Variants in PELI2 observed in about 807,000 individuals in gnomAD.
PELI2 encodes the protein pellino E3 ubiquitin protein ligase family member 2, also known as E3 ubiquitin-protein ligase pellino homolog 2.
A neutral mutation model predicts 42.3 loss-of-function variants in PELI2; 23 were observed. The observed-to-expected ratio is 0.54, with a 90% CI of 0.39 to 0.77. The LOEUF (loss-of-function observed/expected upper bound fraction) is 0.77. Ranked by LOEUF, PELI2 falls within the 30% of genes least tolerant of loss-of-function variation. PELI2 has a pLI of 0.00. For synonymous variants in PELI2, 245 were observed against 212.2 expected (o/e 1.15, Z -1.34); for missense variants, 463 against 553.2 (o/e 0.84, Z 1.64).
At chr14:56,213,031 C>A (rs1296261465) in intron 2 of PELI2, among the ~76,000 whole-genome samples, 3 of 152,192 alleles carry the variant, frequency 2.0e-5, no homozygotes, top group African/African-American at 7.2e-5. Flanking sequence ...ATGGCAGGGG[C>A]CCTTTCCTAG....
chr14:56,238,242 T>C (rs570467562), intron 2 of PELI2, among the ~76,000 whole-genome samples: 3 of 152,236 alleles, frequency 2.0e-5, no homozygotes, highest in Non-Finnish European at 2.9e-5. Context: ...TGCAGTTCTA[T>C]TGACTTTTAA....
chr14:56,155,612 C>T (rs2343378), intron 1 of PELI2, among the ~76,000 whole-genome samples: 59,562 of 147,808 alleles, frequency 0.4, 12,742 homozygotes, highest in South Asian at 0.53. Context: ...GACGGAGTCT[C>T]GCTCTGTCAC....
chr14:56,162,010 G>C (rs1346105775), intron 1 of PELI2, among the ~76,000 whole-genome samples: 1 of 152,106 alleles, frequency 6.6e-6, no homozygotes, highest in African/African-American at 2.4e-5. Context: ...TGCACAGTAG[G>C]TGTATATATT....
At chr14:56,125,925 A>T (rs1883242087) in intron 1 of PELI2, among the ~76,000 whole-genome samples, 1 of 152,032 alleles carries the variant, frequency 6.6e-6, no homozygotes, top group Non-Finnish European at 1.5e-5. Flanking sequence ...CCACATGGAG[A>T]TGTGGCCAGG....
intron 2 of PELI2, among the ~76,000 whole-genome samples, chr14:56,254,471 A>G (rs1888456231): frequency 6.6e-6 from 1 of 152,090 alleles, no homozygotes; most frequent in Admixed American, 6.6e-5. Flanking sequence ...CCTTCCTTAA[A>G]CCTTATACAA....
chr14:56,169,476 T>C (rs545013567), intron 1 of PELI2, among the ~76,000 whole-genome samples: 8 of 152,294 alleles, frequency 5.3e-5, no homozygotes, highest in African/African-American at 1.9e-4. Context: ...AGAACAGCAC[T>C]TAGTTCAATG....
rs537870320 is a variant in PELI2 at position 56,153,852 on chromosome 14, T to C, written c.78-24483T>C. Among the ~76,000 whole-genome samples the C allele has an allele frequency of 6.6e-5, 10 of 152,308 alleles. No homozygotes were observed. The South Asian group carries it at 1.7e-3, about 25-fold the overall frequency. ...AGTGGTGTTTGTGAATGTAGGTATT[T>C]AACAATTTGGGTGCATGGTAGCCTT... is the stretch of plus-strand genomic sequence containing the variant. On this transcript the variant is annotated intron_variant, in intron 1 of 5. Transcript: ENST00000267460.
intron 2 of PELI2, among the ~76,000 whole-genome samples, chr14:56,233,449 C>T (rs1887661505): frequency 6.6e-6 from 1 of 152,102 alleles, no homozygotes; most frequent in Non-Finnish European, 1.5e-5. Flanking sequence ...GAAGTAATAC[C>T]ACACATCTAC....
At chr14:56,156,866 G>A (rs1465886617) in intron 1 of PELI2, among the ~76,000 whole-genome samples, 3 of 152,160 alleles carry the variant, frequency 2.0e-5, no homozygotes, top group African/African-American at 7.2e-5. Context: ...GCCTCTCTGT[G>A]TAAGGCTGCA....
intron 2 of PELI2, among the ~76,000 whole-genome samples, chr14:56,249,537 C>T (rs1158128043): frequency 6.6e-6 from 1 of 152,158 alleles, no homozygotes. Context: ...ATTTCTGGGA[C>T]TATTAGGTGC....
Position 56,129,425 on chromosome 14 carries a change from TG to T in PELI2, c.77+10689del, listed in dbSNP as rs1318132542. ...CACTCAGTGGTTTGATTTTGAAACT[TG>T]TGCTGGAACCAGTGAATGTTTTGGG... On this transcript the variant is annotated intron_variant, in intron 1 of 5. Transcript: ENST00000267460. Among the ~76,000 whole-genome samples, 3 of 152,238 alleles carry T rather than the reference TG, an allele frequency of 2.0e-5. No homozygotes were observed. In the East Asian group the frequency reaches 5.8e-4, roughly 29 times the overall value.
intron 2 of PELI2, among the ~76,000 whole-genome samples, chr14:56,226,497 C>A (rs1887359974): frequency 6.6e-6 from 1 of 152,144 alleles, no homozygotes; most frequent in African/African-American, 2.4e-5. Context: ...TTTTTCTAAT[C>A]CACTTGTATG....
At chr14:56,118,899 T>C (rs1054679030) in intron 1 of PELI2, among the ~76,000 whole-genome samples, 162 bp downstream of exon 1, 12 of 150,248 alleles carry the variant, frequency 8.0e-5, no homozygotes, top group African/African-American at 2.9e-4. Context: ...GGGGGCGGGA[T>C]GCGCCCCATC....
chr14:56,289,082 C>T (rs1244223123), intron 4 of PELI2, among the ~76,000 whole-genome samples: 3 of 152,244 alleles, frequency 2.0e-5, no homozygotes, highest in East Asian at 3.9e-4. Flanking sequence ...GACTTGAATC[C>T]CTGCCCTTAT....
At chr14:56,154,918 T>C (rs888410790) in intron 1 of PELI2, among the ~76,000 whole-genome samples, 2 of 152,224 alleles carry the variant, frequency 1.3e-5, no homozygotes, top group African/African-American at 4.8e-5. Flanking sequence ...CAGAGTTTGG[T>C]GATTTGATTG....
chr14:56,267,314 C>A (rs576544190), intron 2 of PELI2, among the ~76,000 whole-genome samples: 1 of 152,012 alleles, frequency 6.6e-6, no homozygotes. Flanking sequence ...GTTTTTGCAG[C>A]GAAACCCTTC....
At chr14:56,215,705 T>C (rs564122301) in intron 2 of PELI2, among the ~76,000 whole-genome samples, 128 of 152,382 alleles carry the variant, frequency 8.4e-4, no homozygotes, top group African/African-American at 3.0e-3. Context: ...AGAATCAGAA[T>C]GAGTCTTGAA....
chr14:56,164,148 T>A (rs242417), intron 1 of PELI2, among the ~76,000 whole-genome samples: 11,450 of 152,080 alleles, frequency 0.075, 786 homozygotes, highest in East Asian at 0.28. Context: ...GAAAGGCTTT[T>A]CCCCATTCCG....
chr14:56,295,850 C>T (rs890311295), intron 5 of PELI2, among the ~76,000 whole-genome samples: 2 of 152,246 alleles, frequency 1.3e-5, no homozygotes, highest in Non-Finnish European at 2.9e-5. Flanking sequence ...GCATGTCTGC[C>T]TTCCACTACT....
Sources: allele counts gnomAD v4.1 joint callset (sites outside exome capture counted in the v4.1 genomes callset), GRCh38; gene constraint gnomAD v4.1.1; transcripts MANE v1.5; gene names NCBI Gene and HGNC (gene_info 2026-07-23, HGNC 2026-07-21).